Variants in CYTH3 observed in about 807,000 individuals in gnomAD.
CYTH3 encodes the protein cytohesin 3.
In CYTH3, 23 loss-of-function variants were observed where a neutral mutation model predicts 55.1. The ratio of observed to expected loss-of-function variants is 0.42; its 90% CI spans 0.30 to 0.59. The LOEUF (loss-of-function observed/expected upper bound fraction) is 0.59, where lower values mean the gene tolerates loss of function less well. Ranked by LOEUF, CYTH3 falls within the 20% of genes least tolerant of loss-of-function variation. The pLI is 0.20. For missense variants in CYTH3, 413 were observed against 524.8 expected (o/e 0.79, Z 2.08); for synonymous variants, 249 against 194.9 (o/e 1.28, Z -2.31).
intron 4 of CYTH3, among the ~76,000 whole-genome samples, chr7:6,185,301 A>G (rs1783606990): frequency 6.6e-6 from 1 of 152,162 alleles, no homozygotes; most frequent in Non-Finnish European, 1.5e-5. Flanking sequence ...AAATCCAGAC[A>G]TGGCCTGGCG....
At chr7:6,188,264 T>A (rs543025106) in intron 2 of CYTH3, among the ~76,000 whole-genome samples, 1 of 151,814 alleles carries the variant, frequency 6.6e-6, no homozygotes, top group African/African-American at 2.4e-5. Context: ...ACCCACGAGT[T>A]TGAGGCTGCA....
At chr7:6,168,338 G>A (rs1783071745) in intron 9 of CYTH3, among the ~76,000 whole-genome samples, 1 of 151,596 alleles carries the variant, frequency 6.6e-6, no homozygotes, top group Non-Finnish European at 1.5e-5. Flanking sequence ...AAGCATCCAG[G>A]CCTTTTTAAG....
At chr7:6,250,055 T>G (rs532040356) in intron 1 of CYTH3, among the ~76,000 whole-genome samples, 2 of 152,190 alleles carry the variant, frequency 1.3e-5, no homozygotes, top group African/African-American at 4.8e-5. Context: ...TGTCGAGATT[T>G]TGGGGTGAAC....
In CYTH3 at chr7:6,167,419, A is replaced by G. The variant is rs369901479; in HGVS notation, c.824-1609T>C. Among the ~76,000 whole-genome samples the G allele has an allele frequency of 2.0e-5, 3 of 152,272 alleles. No individual in the cohort carries two copies. Among genetic ancestry groups the G allele is most frequent in the South Asian group, 2.1e-4 (1 of 4,826 alleles). ...CAGCTTGAACTGCTGTGGCAGAATCAGCTGACAGCAACTCCACTACCCTGA... is the reference window on the plus strand; with the variant it reads ...CAGCTTGAACTGCTGTGGCAGAATCGGCTGACAGCAACTCCACTACCCTGA... On this transcript the variant is annotated intron_variant, in intron 9 of 12. Coordinates refer to ENST00000350796, the MANE Select transcript of CYTH3 (RefSeq NM_004227.4). This position sits in a 1 kb window ranked among gnomAD's most constrained non-coding sequence, Gnocchi z 5.5.
rs1783026276 is a variant in CYTH3, at chr7:6,166,921, C to T, written c.824-1111G>A. Among the ~76,000 whole-genome samples, 8 of 152,190 alleles carry T rather than the reference C, an allele frequency of 5.3e-5. No homozygotes were observed. In the South Asian group the frequency reaches 1.7e-3, roughly 31 times the overall value. On this transcript the variant is annotated intron_variant, in intron 9 of 12. Transcript: ENST00000350796. ...GTCTCATCAGTGTCCCACCAGCCTA[C>T]CTGTTAAAGGGTCTGTCTAGACCCT...
intron 1 of CYTH3, among the ~76,000 whole-genome samples, chr7:6,204,154 TTTC>T (rs1467657982): frequency 6.6e-6 from 1 of 152,244 alleles, no homozygotes; most frequent in Non-Finnish European, 1.5e-5. Context: ...TGCCAGCTTT[TTTC>T]TTCTTAATGG....
intron 1 of CYTH3, among the ~76,000 whole-genome samples, chr7:6,271,100 C>CCAGA (rs3030436): frequency 0.22 from 33,545 of 151,800 alleles, 7,088 homozygotes; most frequent in African/African-American, 0.56. Flanking sequence ...TCTCATGGCT[C>CCAGA]CAGACAGCCT....
chr7:6,223,278 G>T (rs1451647096), intron 1 of CYTH3, among the ~76,000 whole-genome samples: 1 of 152,072 alleles, frequency 6.6e-6, no homozygotes, highest in Non-Finnish European at 1.5e-5. Context: ...CGTCTGGGAA[G>T]TGAGGAGCGC....
At chr7:6,236,944 A>G (rs1049394225) in intron 1 of CYTH3, among the ~76,000 whole-genome samples, 3 of 152,198 alleles carry the variant, frequency 2.0e-5, no homozygotes, top group African/African-American at 7.2e-5. Context: ...AAATTTCCCA[A>G]TTAATGTTCT....
chr7:6,196,963 C>T (rs991540468), intron 1 of CYTH3, among the ~76,000 whole-genome samples: 5 of 152,126 alleles, frequency 3.3e-5, no homozygotes, highest in African/African-American at 7.2e-5. Context: ...ATTCAAGCAT[C>T]GGCATACATT....
At chr7:6,252,371 T>C (rs907436023) in intron 1 of CYTH3, among the ~76,000 whole-genome samples, 2 of 152,224 alleles carry the variant, frequency 1.3e-5, no homozygotes, top group African/African-American at 4.8e-5. Flanking sequence ...GCCTCACATA[T>C]ACTCTCTGGT....
chr7:6,203,442 G>GGATT (rs1338145936), intron 1 of CYTH3, among the ~76,000 whole-genome samples: 2 of 152,028 alleles, frequency 1.3e-5, no homozygotes, highest in African/African-American at 2.4e-5. Context: ...ATCTGATGAA[G>GGATT]GATTATGAGT....
intron 4 of CYTH3, among the ~76,000 whole-genome samples, chr7:6,184,444 CTTA>C (rs1783587262): frequency 1.3e-5 from 2 of 152,022 alleles, no homozygotes; most frequent in South Asian, 4.1e-4. Context: ...TTTGTTGGCC[CTTA>C]TTATAAATCT....
chr7:6,252,202 G>A (rs1208482392), intron 1 of CYTH3, among the ~76,000 whole-genome samples: 1 of 151,610 alleles, frequency 6.6e-6, no homozygotes, highest in East Asian at 2.1e-4. Flanking sequence ...ACAAATTTAA[G>A]AGAAACTGGC....
chr7:6,255,006 ACT>A (rs992625067), intron 1 of CYTH3, among the ~76,000 whole-genome samples: 1 of 152,040 alleles, frequency 6.6e-6, no homozygotes, highest in African/African-American at 2.4e-5. Context: ...CTTCCAACTC[ACT>A]CTACTCAGTA....
chr7:6,261,345 A>G (rs1460453067), intron 1 of CYTH3, among the ~76,000 whole-genome samples: 1 of 152,188 alleles, frequency 6.6e-6, no homozygotes, highest in Non-Finnish European at 1.5e-5. Context: ...AAGCAACCCA[A>G]GCTTTCAGTG....
intron 1 of CYTH3, among the ~76,000 whole-genome samples, chr7:6,210,958 C>T (rs1275881692): frequency 6.6e-6 from 1 of 152,166 alleles, no homozygotes; most frequent in Non-Finnish European, 1.5e-5. Flanking sequence ...ATGGAGAAAT[C>T]GATATTCCGG....
chr7:6,177,474 G>C (rs558668097), intron 5 of CYTH3, among the ~76,000 whole-genome samples: 1 of 152,326 alleles, frequency 6.6e-6, no homozygotes, highest in South Asian at 2.1e-4. Context: ...GAAAACCACT[G>C]AGAAATCAGG....
chr7:6,195,658 C>T (rs537422760), intron 1 of CYTH3, among the ~76,000 whole-genome samples: 11 of 152,134 alleles, frequency 7.2e-5, no homozygotes, highest in Non-Finnish European at 1.2e-4. Context: ...TTAAGCAATC[C>T]TCTATGTCAA....
Sources: allele counts gnomAD v4.1 joint callset (sites outside exome capture counted in the v4.1 genomes callset), GRCh38; gene constraint gnomAD v4.1.1; non-coding constraint Gnocchi (gnomAD v3.1); transcripts MANE v1.5; gene names NCBI Gene and HGNC (gene_info 2026-07-23, HGNC 2026-07-21).